Variants in BTD observed in about 807,000 individuals in gnomAD.
BTD encodes biotinidase.
In BTD, 13 loss-of-function variants were observed where a neutral mutation model predicts 17.7. The ratio of observed to expected loss-of-function variants is 0.74; its 90% CI spans 0.48 to 1.17. The LOEUF (loss-of-function observed/expected upper bound fraction) is 1.17, where lower values mean the gene tolerates loss of function less well. Ranked by LOEUF, BTD falls within the 50% of genes most tolerant of loss-of-function variation. BTD has a pLI of 0.00. For missense variants in BTD, 674 were observed against 650.4 expected (o/e 1.04, Z -0.39); for synonymous variants, 240 against 245.2 (o/e 0.98, Z 0.20).
At chr3:15,703,792 TG>T (rs748630871) in intron 3 of BTD, among the ~76,000 whole-genome samples, 13 of 152,246 alleles carry the variant, frequency 8.5e-5, no homozygotes, top group Non-Finnish European at 1.6e-4. Context: ...GGAAGAGTTA[TG>T]AAGTGCGGGC....
intron 3 of BTD, chr3:15,678,413 A>G (rs2067184116): frequency 6.8e-7 from 1 of 1,476,746 alleles, no homozygotes; most frequent in Non-Finnish European, 9.1e-7. Context: ...ATGCTGGAAA[A>G]ATATTCTTTA....
At chr3:15,632,876 A>T (rs1295474697) in intron 1 of BTD, 1 of 152,382 alleles carries the variant, frequency 6.6e-6, no homozygotes, top group South Asian at 2.1e-4. Flanking sequence ...GGTATGTGTG[A>T]TGCCAAAGAG....
chr3:15,633,925 C>G (rs2065278510), intron 1 of BTD, among the ~76,000 whole-genome samples: 1 of 152,214 alleles, frequency 6.6e-6, no homozygotes, highest in African/African-American at 2.4e-5. Context: ...AAACTCATGA[C>G]TGCTCACTCA....
At position 15,635,647 on chromosome 3, in the gene BTD, C is replaced by T. The variant is rs755431474; in HGVS notation, c.208C>T (p.Leu70Phe). 2 of 1,614,232 alleles carry T rather than the reference C, an allele frequency of 1.2e-6. No homozygotes were observed. The highest frequency in any genetic ancestry group is 1.7e-6 in the Non-Finnish European group (2 of 1,180,042). ...GGCCTTGGAGCTCATGAACCAGAAC[C>T]TTGACATCTATGAACAGCAAGTGAT... is the stretch of plus-strand genomic sequence containing the variant. ...QEALELMNQN[L>F]DIYEQQVMTA... The change falls in exon 2 of 4, where the codon CTT (leucine) becomes TTT (phenylalanine). Residue 70 changes from leucine to phenylalanine, a missense_variant. Leu to Phe is a conservative substitution (Grantham distance 22). Coordinates refer to ENST00000643237, the MANE Select transcript of BTD (RefSeq NM_001370658.1). This position sits in a 1 kb window ranked among gnomAD's most constrained non-coding sequence, Gnocchi z 4.1.
At chr3:15,719,933 T>C (rs1195226780) in intron 4 of BTD, among the ~76,000 whole-genome samples, 1 of 152,126 alleles carries the variant, frequency 6.6e-6, no homozygotes. Context: ...GGCAGTAGCA[T>C]GATCTCAGCT....
At chr3:15,680,846 T>C (rs1441791205) in intron 3 of BTD, among the ~76,000 whole-genome samples, 2 of 152,082 alleles carry the variant, frequency 1.3e-5, no homozygotes, top group Admixed American at 1.3e-4. Flanking sequence ...TTTTGATATT[T>C]TGTAGAGATG....
At chr3:15,640,224 A>G (rs2065459670) in intron 2 of BTD, among the ~76,000 whole-genome samples, 1 of 152,252 alleles carries the variant, frequency 6.6e-6, no homozygotes, top group Admixed American at 6.5e-5. Context: ...TGTGAAGTGT[A>G]TAATTATGCA....
intron 3 of BTD, chr3:15,684,146 T>C (rs1405306201): frequency 1.3e-5 from 2 of 152,242 alleles, no homozygotes; most frequent in Non-Finnish European, 2.9e-5. Flanking sequence ...ATGCTTGCAC[T>C]GTATATAATG....
chr3:15,636,443 TG>T (rs1472080800), intron 2 of BTD, among the ~76,000 whole-genome samples: 1 of 151,972 alleles, frequency 6.6e-6, no homozygotes, highest in Non-Finnish European at 1.5e-5. Context: ...GAGGCCCCCC[TG>T]GGGGCAAAGA....
At chr3:15,679,777 C>G (rs899969717) in intron 3 of BTD, among the ~76,000 whole-genome samples, 4 of 152,126 alleles carry the variant, frequency 2.6e-5, no homozygotes, top group Non-Finnish European at 5.9e-5. Flanking sequence ...AAAATACATA[C>G]AGTTGGCTCT....
At chr3:15,610,303 G>T (rs76907975) in intron 1 of BTD, among the ~76,000 whole-genome samples, 1 of 152,170 alleles carries the variant, frequency 6.6e-6, no homozygotes, top group Non-Finnish European at 1.5e-5. Flanking sequence ...TTCTTCATTG[G>T]ATGGCAGCAG....
At chr3:15,603,500 AC>A (rs1267098903) in intron 1 of BTD, among the ~76,000 whole-genome samples, 3 of 152,088 alleles carry the variant, frequency 2.0e-5, no homozygotes, top group Non-Finnish European at 4.4e-5. Flanking sequence ...TACTAAAAAT[AC>A]AAAAAATTAG....
At chr3:15,694,682 A>G in intron 3 of BTD, 4 of 1,452,766 alleles carry the variant, frequency 2.8e-6, no homozygotes, top group Admixed American at 1.7e-5. Context: ...CAAATAGGTT[A>G]TTAGATATTT....
In BTD at chr3:15,644,585, C is replaced by T. The variant is rs774761127; in HGVS notation, c.669C>T (p.Phe223=). The T allele has an allele frequency of 3.7e-6, 6 of 1,614,074 alleles. No homozygotes were observed. The Admixed American group carries it at 1.0e-4, about 27-fold the overall frequency. Residue 223 remains phenylalanine (F), a synonymous_variant, in exon 4 of 4, where the codon TTC becomes TTT. Transcript: ENST00000643237. ...DTPFAGRFGI[F]TCFDILFFDP... is the part of the protein sequence containing the mutation. ...CCTTTGCTGGCAGGTTTGGCATCTT[C>T]ACATGCTTTGATATATTGTTCTTTG...
chr3:15,656,104 A>T (rs2065868641), downstream of BTD, among the ~76,000 whole-genome samples: 1 of 152,106 alleles, frequency 6.6e-6, no homozygotes, highest in Non-Finnish European at 1.5e-5. Context: ...CACCCAGCCT[A>T]CTTTGTTATT....
At chr3:15,610,492 A>G (rs2064586607) in intron 1 of BTD, among the ~76,000 whole-genome samples, 1 of 152,180 alleles carries the variant, frequency 6.6e-6, no homozygotes, top group Non-Finnish European at 1.5e-5. Context: ...TTTATAGTCA[A>G]TTTACCATAA....
chr3:15,631,567 T>C, intron 1 of BTD: 3 of 1,306,300 alleles, frequency 2.3e-6, no homozygotes, highest in Non-Finnish European at 3.2e-6. Context: ...GAAATAGATT[T>C]CCATGTAATT....
At chr3:15,690,042 T>C in intron 3 of BTD, 1 of 1,610,304 alleles carries the variant, frequency 6.2e-7, no homozygotes, top group Non-Finnish European at 8.5e-7. Context: ...AGGTGTCCTC[T>C]TCAAAATGTA....
intron 3 of BTD, chr3:15,676,750 C>G (rs572008889): frequency 5.2e-6 from 2 of 383,862 alleles, no homozygotes; most frequent in South Asian, 7.4e-5. Flanking sequence ...GAAAAAAATA[C>G]ATTATTGTCA....
Sources: allele counts gnomAD v4.1 joint callset (sites outside exome capture counted in the v4.1 genomes callset), GRCh38; gene constraint gnomAD v4.1.1; non-coding constraint Gnocchi (gnomAD v3.1); transcripts MANE v1.5; gene names NCBI Gene and HGNC (gene_info 2026-07-23, HGNC 2026-07-21).